Variants in PAK5 observed in about 807,000 individuals in gnomAD.
The protein encoded by PAK5 is serine/threonine-protein kinase PAK 5.
Under a neutral mutation model 65.9 loss-of-function variants are expected in PAK5, and 16 were observed. The ratio of observed to expected loss-of-function variants is 0.24; its 90% CI spans 0.16 to 0.37. The LOEUF is 0.37. Ranked by LOEUF, PAK5 falls within the 10% of genes least tolerant of loss-of-function variation. The pLI is 1.00. For missense variants in PAK5, 785 were observed against 903.9 expected (o/e 0.87, Z 1.69); for synonymous variants, 371 against 354.9 (o/e 1.05, Z -0.51).
intron 3 of PAK5, among the ~76,000 whole-genome samples, chr20:9,639,218 T>A (rs1359334535): frequency 6.6e-6 from 1 of 152,222 alleles, no homozygotes; most frequent in South Asian, 2.1e-4. Flanking sequence ...ACAAACTATA[T>A]AACATAGTTT....
chr20:9,750,456 G>T (rs2048562760), intron 1 of PAK5, among the ~76,000 whole-genome samples: 2 of 152,034 alleles, frequency 1.3e-5, no homozygotes, highest in South Asian at 2.1e-4. Flanking sequence ...ATATTTGGGT[G>T]GTACTGGGCA....
chr20:9,628,069 T>A lies in PAK5; in HGVS notation c.204+16056A>T, dbSNP rs557497470. 1.1e-3 allele frequency among the ~76,000 whole-genome samples: 175 copies of A among 152,346 alleles called. 1 individual carries two copies. The highest frequency in any genetic ancestry group is 4.0e-3 in the African/African-American group (168 of 41,584). Reference sequence around the variant, plus strand: ...GTTTTATTAATTGAGAGAGAAAATCTCAAAATATTGTTCTCTTCTTAAAAA... The same window carrying A: ...GTTTTATTAATTGAGAGAGAAAATCACAAAATATTGTTCTCTTCTTAAAAA... On this transcript the variant is annotated intron_variant, in intron 3 of 9. Transcript: ENST00000353224.
intron 3 of PAK5, among the ~76,000 whole-genome samples, chr20:9,630,965 G>C (rs778445599): frequency 1.3e-5 from 2 of 152,114 alleles, no homozygotes; most frequent in African/African-American, 2.4e-5. Flanking sequence ...TGGCTTCACA[G>C]GTCCATGGAT....
At chr20:9,670,132 T>C (rs964617828) in intron 2 of PAK5, among the ~76,000 whole-genome samples, 1 of 152,214 alleles carries the variant, frequency 6.6e-6, no homozygotes, top group Admixed American at 6.5e-5. Context: ...TAGTATTCCA[T>C]GGTGTATATG....
chr20:9,610,739 C>T (rs1041624074), intron 3 of PAK5, among the ~76,000 whole-genome samples: 10 of 152,050 alleles, frequency 6.6e-5, no homozygotes, highest in African/African-American at 2.2e-4. Flanking sequence ...GGTCTGTGCC[C>T]GTAATTTATT....
intron 2 of PAK5, among the ~76,000 whole-genome samples, chr20:9,673,487 A>T (rs1238150816): frequency 6.6e-6 from 1 of 152,168 alleles, no homozygotes; most frequent in Non-Finnish European, 1.5e-5. Flanking sequence ...ATTATATTTA[A>T]TTTCCATTAA....
chr20:9,568,968 C>T (rs925509249), intron 4 of PAK5, among the ~76,000 whole-genome samples: 2 of 152,206 alleles, frequency 1.3e-5, no homozygotes, highest in African/African-American at 4.8e-5. Context: ...GGTGGATCCT[C>T]CAGGTCCAGT....
At chr20:9,774,198 T>C (rs2048863652) in intron 1 of PAK5, among the ~76,000 whole-genome samples, 1 of 152,110 alleles carries the variant, frequency 6.6e-6, no homozygotes, top group Non-Finnish European at 1.5e-5. Context: ...ATGGGAACAC[T>C]CCCTACTGAA....
At chr20:9,724,093 A>G (rs1283119129) in intron 1 of PAK5, among the ~76,000 whole-genome samples, 1 of 152,192 alleles carries the variant, frequency 6.6e-6, no homozygotes, top group African/African-American at 2.4e-5. Flanking sequence ...TGTAACAGAA[A>G]CTGAAGCATA....
chr20:9,761,703 G>T (rs6118718), intron 1 of PAK5, among the ~76,000 whole-genome samples: 21,786 of 152,052 alleles, frequency 0.14, 1,619 homozygotes, highest in Middle Eastern at 0.19. Flanking sequence ...AGACACATAA[G>T]TGGGTAACTA....
At chr20:9,742,643 ACTCT>A (rs753647085) in intron 1 of PAK5, among the ~76,000 whole-genome samples, 62 of 151,784 alleles carry the variant, frequency 4.1e-4, no homozygotes, top group Non-Finnish European at 7.5e-4. Flanking sequence ...GTTGCAGAAA[ACTCT>A]CTCTCTATCA....
At chr20:9,831,230 C>T (rs1023371875) in intron 1 of PAK5, among the ~76,000 whole-genome samples, 1 of 152,122 alleles carries the variant, frequency 6.6e-6, no homozygotes, top group African/African-American at 2.4e-5. Flanking sequence ...TGCGCGCGTG[C>T]GTGTGTTTGG....
chr20:9,736,651 A>G (rs2048392756), intron 1 of PAK5, among the ~76,000 whole-genome samples: 1 of 152,190 alleles, frequency 6.6e-6, no homozygotes, highest in Non-Finnish European at 1.5e-5. Flanking sequence ...GGATTGGTTG[A>G]AAGTGCTCAT....
At chr20:9,801,512 T>C (rs2049168744) in intron 1 of PAK5, among the ~76,000 whole-genome samples, 1 of 150,760 alleles carries the variant, frequency 6.6e-6, no homozygotes, top group Non-Finnish European at 1.5e-5. Flanking sequence ...ATATTATAGA[T>C]ATACACACAC....
chr20:9,730,116 G>C (rs2048320949), intron 1 of PAK5, among the ~76,000 whole-genome samples: 1 of 149,928 alleles, frequency 6.7e-6, no homozygotes, highest in Non-Finnish European at 1.5e-5. Flanking sequence ...CATAAAAATA[G>C]ACATGTAAAA....
chr20:9,682,461 C>G (rs1308175124), intron 2 of PAK5, among the ~76,000 whole-genome samples: 1 of 152,176 alleles, frequency 6.6e-6, no homozygotes, highest in African/African-American at 2.4e-5. Context: ...ACATTCTGAG[C>G]TTCATTTCCT....
intron 2 of PAK5, among the ~76,000 whole-genome samples, chr20:9,648,314 C>A (rs536889154): frequency 6.6e-6 from 1 of 152,160 alleles, no homozygotes. Flanking sequence ...TTAATTCCCC[C>A]AGGACTGATT....
chr20:9,585,484 A>C (rs1205595371), intron 3 of PAK5, among the ~76,000 whole-genome samples: 2 of 152,266 alleles, frequency 1.3e-5, no homozygotes, highest in African/African-American at 2.4e-5. Flanking sequence ...ATCACAACCC[A>C]GCAAATTGGC....
At chr20:9,797,973 A>C (rs536641395) in intron 1 of PAK5, among the ~76,000 whole-genome samples, 1 of 152,246 alleles carries the variant, frequency 6.6e-6, no homozygotes, top group South Asian at 2.1e-4. Flanking sequence ...GAAGTACCCC[A>C]ACCTGTAGAG....
Sources: gnomAD v4.1 joint callset for allele counts (sites outside exome capture counted in the v4.1 genomes callset) on GRCh38, gnomAD v4.1.1 for gene constraint, MANE v1.5 for transcripts, NCBI Gene and HGNC (gene_info 2026-07-23, HGNC 2026-07-21) for gene names.